Variants in ZCCHC4 observed in about 807,000 individuals in gnomAD.
The protein encoded by ZCCHC4 is zinc finger CCHC-type containing 4, also known as rRNA N(6)-adenosine-methyltransferase ZCCHC4.
In ZCCHC4, 54 loss-of-function variants were observed where a neutral mutation model predicts 67.7. The observed-to-expected ratio is 0.80, with a 90% confidence interval of 0.64 to 1.00. The LOEUF (loss-of-function observed/expected upper bound fraction) is 1.00. ZCCHC4 is among the 50% of genes least tolerant of loss of function. The pLI is 0.00. For missense variants in ZCCHC4, 609 were observed against 617.0 expected, an observed-to-expected ratio of 0.99 and a Z score of 0.14; for synonymous variants, 198 against 213.5, an observed-to-expected ratio of 0.93 and a Z score of 0.63.
chr4:25,312,866 C>CTTCCCCCGG lies in ZCCHC4; in HGVS notation c.57_58insTTCCCCCGG (p.Cys19_Arg20insPheProArg), dbSNP rs1560393193. 13 of 1,613,068 alleles carry CTTCCCCCGG rather than the reference C, an allele frequency of 8.1e-6. No homozygotes were observed. Among genetic ancestry groups the CTTCCCCCGG allele is most frequent in the Non-Finnish European group, 1.1e-5 (13 of 1,180,032 alleles). On this transcript the variant is annotated inframe_insertion, in exon 1 of 13. Transcript: ENST00000302874. ...TGGAGGCAGAGGGCAGCGCAGGGTGCCGGGGAAGCTCGGGAATGGAGGTGG... is the reference window on the plus strand; with the variant it reads ...TGGAGGCAGAGGGCAGCGCAGGGTGCTTCCCCCGGCGGGGAAGCTCGGGAATGGAGGTGG...
At chr4:25,321,500 G>A (rs1718584584) in intron 3 of ZCCHC4, among the ~76,000 whole-genome samples, 1 of 152,022 alleles carries the variant, frequency 6.6e-6, no homozygotes, top group Non-Finnish European at 1.5e-5. Context: ...AGCCTCCCAA[G>A]TAGCTGGGAT....
intron 3 of ZCCHC4, among the ~76,000 whole-genome samples, chr4:25,323,559 T>A (rs2109053984): frequency 6.6e-6 from 1 of 152,320 alleles, no homozygotes; most frequent in South Asian, 2.1e-4. Context: ...ACTGTAGAAT[T>A]TAAATCCAGA....
intron 5 of ZCCHC4, among the ~76,000 whole-genome samples, chr4:25,337,449 A>G (rs1021132921): frequency 2.6e-5 from 4 of 152,172 alleles, no homozygotes; most frequent in Admixed American, 1.3e-4. Flanking sequence ...TTAACTGCCC[A>G]GTGGAAAGAG....
At chr4:25,323,391 A>T (rs1718682963) in intron 3 of ZCCHC4, among the ~76,000 whole-genome samples, 1 of 141,280 alleles carries the variant, frequency 7.1e-6, no homozygotes, top group Non-Finnish European at 1.6e-5. Context: ...ATTAATCAGG[A>T]TCATTGTTCT....
In ZCCHC4 at chr4:25,368,704, A is replaced by G. The variant is rs75429123; in HGVS notation, c.1407-325A>G. Among the ~76,000 whole-genome samples, 593 of 152,324 alleles carry G rather than the reference A, an allele frequency of 3.9e-3. 2 individuals are homozygous for G. The highest frequency in any genetic ancestry group is 0.014 in the African/African-American group (565 of 41,580). On this transcript the variant is annotated intron_variant, in intron 12 of 12. Transcript: ENST00000302874. ...AGATTGAAGTGCTGAGTTGAGCAATACAGATGTACAAAAAACTTTTTTAAA... is the reference window on the plus strand; with the variant it reads ...AGATTGAAGTGCTGAGTTGAGCAATGCAGATGTACAAAAAACTTTTTTAAA...
chr4:25,351,559 T>C, intron 7 of ZCCHC4, 30 bp from the exon 8 acceptor site: 1 of 1,454,452 alleles, frequency 6.9e-7, no homozygotes, highest in Non-Finnish European at 9.5e-7. Flanking sequence ...TTTAATTTAC[T>C]ATTATTTTTT....
At chr4:25,352,363 T>G (rs991096076) in intron 8 of ZCCHC4, 2 of 985,434 alleles carry the variant, frequency 2.0e-6, no homozygotes, top group South Asian at 4.7e-5. Context: ...GTGTTTGAAG[T>G]TAACCCTGTT....
At chr4:25,357,077 A>G (rs994063839) in intron 8 of ZCCHC4, among the ~76,000 whole-genome samples, 2 of 152,194 alleles carry the variant, frequency 1.3e-5, no homozygotes, top group Non-Finnish European at 2.9e-5. Context: ...AAATTTTCTC[A>G]TATGGAGATA....
intron 8 of ZCCHC4, among the ~76,000 whole-genome samples, chr4:25,361,173 A>G (rs1720719369): frequency 6.6e-6 from 1 of 152,228 alleles, no homozygotes; most frequent in Admixed American, 6.5e-5. Flanking sequence ...ATGCCTTTAA[A>G]GGTAGGGGAA....
At chr4:25,329,478 T>G (rs185717573) in intron 3 of ZCCHC4, among the ~76,000 whole-genome samples, 17 of 151,760 alleles carry the variant, frequency 1.1e-4, no homozygotes, top group African/African-American at 3.9e-4. Context: ...GTGTTTTGTT[T>G]TTTTTTTTTA....
At chr4:25,334,494 C>T (rs188657491) in intron 5 of ZCCHC4, among the ~76,000 whole-genome samples, 4 of 152,154 alleles carry the variant, frequency 2.6e-5, no homozygotes, top group Admixed American at 2.6e-4. Context: ...GAGGAGTAGC[C>T]GACAGATAGA....
At chr4:25,314,189 T>A in intron 2 of ZCCHC4, 25 bp downstream of exon 2, 1 of 1,496,238 alleles carries the variant, frequency 6.7e-7, no homozygotes, top group Non-Finnish European at 9.2e-7. Flanking sequence ...TGGATATTTA[T>A]TTTTTATTTT....
intron 8 of ZCCHC4, 45 bp downstream of exon 8, chr4:25,351,734 T>G (rs769907546): frequency 6.8e-7 from 1 of 1,468,076 alleles, no homozygotes; most frequent in East Asian, 2.3e-5. Flanking sequence ...GGAATGGAGA[T>G]TCTACTTGAA....
chr4:25,355,627 G>C (rs1023210545), intron 8 of ZCCHC4, among the ~76,000 whole-genome samples: 40 of 152,182 alleles, frequency 2.6e-4, no homozygotes, highest in African/African-American at 9.4e-4. Flanking sequence ...ACATCAGCCT[G>C]TTAGGACAGT....
chr4:25,313,030 C>T (rs1215845601), intron 1 of ZCCHC4, 94 bp downstream of exon 1: 7 of 1,524,240 alleles, frequency 4.6e-6, no homozygotes, highest in East Asian at 2.3e-5. Flanking sequence ...TTTTACCCGC[C>T]TCTTTCCCTC....
At chr4:25,358,713 G>A (rs1019569816) in intron 8 of ZCCHC4, among the ~76,000 whole-genome samples, 1 of 152,214 alleles carries the variant, frequency 6.6e-6, no homozygotes, top group African/African-American at 2.4e-5. Flanking sequence ...TGGAGCACAG[G>A]TGCACAACTC....
intron 7 of ZCCHC4, among the ~76,000 whole-genome samples, chr4:25,350,055 A>G (rs1720215333): frequency 6.6e-6 from 1 of 152,108 alleles, no homozygotes; most frequent in Non-Finnish European, 1.5e-5. Context: ...AGCCTGGCCC[A>G]GAACACTAAG....
intron 8 of ZCCHC4, chr4:25,352,401 G>T (rs771530005): frequency 3.0e-6 from 3 of 985,368 alleles, no homozygotes; most frequent in Non-Finnish European, 3.6e-6. Context: ...TGGTCTTCAG[G>T]CAGGTACTGC....
At chr4:25,340,826 A>G (rs1395101153) in intron 5 of ZCCHC4, among the ~76,000 whole-genome samples, 1 of 152,170 alleles carries the variant, frequency 6.6e-6, no homozygotes, top group African/African-American at 2.4e-5. Flanking sequence ...AAATTTTTCA[A>G]AAATACAGTT....
Sources: gnomAD v4.1 joint callset for allele counts (sites outside exome capture counted in the v4.1 genomes callset) on GRCh38, gnomAD v4.1.1 for gene constraint, MANE v1.5 for transcripts, NCBI Gene and HGNC (gene_info 2026-07-23, HGNC 2026-07-21) for gene names.